Variants in PPP2R2C observed in about 807,000 individuals in gnomAD.
PPP2R2C encodes protein phosphatase 2 regulatory subunit Bgamma.
In PPP2R2C, 10 loss-of-function variants were observed where a neutral mutation model predicts 45.3. That is an observed-to-expected ratio of 0.22 (90% CI 0.14 to 0.37). The LOEUF (loss-of-function observed/expected upper bound fraction) is 0.37. Ranked by LOEUF, PPP2R2C falls within the 10% of genes least tolerant of loss-of-function variation. The probability of loss-of-function intolerance (pLI) is 1.00; values close to 1 mark genes in which losing one functional copy is unlikely to be tolerated. For synonymous variants in PPP2R2C, 257 were observed against 245.4 expected, an observed-to-expected ratio of 1.05 and a Z score of -0.44; for missense variants, 308 against 619.7, an observed-to-expected ratio of 0.50 and a Z score of 5.34.
Position 6,383,088 on chromosome 4 carries a change from C to T in PPP2R2C, c.71-1994G>A, listed in dbSNP as rs181215728. On this transcript the variant is annotated intron_variant, in intron 1 of 8. Coordinates refer to ENST00000382599, the MANE Select transcript of PPP2R2C (RefSeq NM_020416.4). ...CTGTGTTTTGCTTTGGCCTGCAGAA[C>T]GGCAATTCGACAAGCCGCAAACAGA... 754 of 1,093,726 alleles carry T rather than the reference C, an allele frequency of 6.9e-4. 5 individuals are homozygous for T. In the South Asian group the frequency reaches 7.2e-3, roughly 10 times the overall value. 67.8% of individuals were successfully genotyped at this position (1,093,726 alleles called of 1,614,324 possible).
chr4:6,525,067 C>G (rs978150170), intron 2 of PPP2R2C, among the ~76,000 whole-genome samples: 7 of 152,018 alleles, frequency 4.6e-5, no homozygotes, highest in Admixed American at 4.6e-4. Flanking sequence ...ACCTGGGTGA[C>G]AGGGTGAGAC....
intron 1 of PPP2R2C, among the ~76,000 whole-genome samples, chr4:6,392,807 CA>C (rs1440646276): frequency 6.6e-6 from 1 of 152,210 alleles, no homozygotes; most frequent in East Asian, 1.9e-4. Flanking sequence ...CGAGCACTTT[CA>C]GGGGTGGGCG....
intron 1 of PPP2R2C, among the ~76,000 whole-genome samples, chr4:6,406,002 A>ATAG (rs1459003641): frequency 2.6e-5 from 4 of 152,202 alleles, no homozygotes; most frequent in Non-Finnish European, 5.9e-5. Flanking sequence ...TAACAGAGGT[A>ATAG]TAGGATCAGG....
chr4:6,384,797 T>C (rs1402887824), intron 1 of PPP2R2C: 1 of 985,346 alleles, frequency 1.0e-6, no homozygotes, highest in African/African-American at 1.7e-5. Context: ...GTGATTTCCA[T>C]TTGGCAGCAG....
chr4:6,544,350 T>G (rs908323217), intron 1 of PPP2R2C, among the ~76,000 whole-genome samples: 6 of 152,226 alleles, frequency 3.9e-5, no homozygotes, highest in African/African-American at 1.4e-4. Context: ...TCATTATTAT[T>G]TTTATTTTTA....
intron 1 of PPP2R2C, among the ~76,000 whole-genome samples, chr4:6,434,904 C>A (rs1719821195): frequency 6.6e-6 from 1 of 151,852 alleles, no homozygotes; most frequent in African/African-American, 2.4e-5. Context: ...TCATCACATC[C>A]TTTATCCATT....
At chr4:6,411,315 G>C (rs1399460261) in intron 1 of PPP2R2C, among the ~76,000 whole-genome samples, 4 of 152,134 alleles carry the variant, frequency 2.6e-5, no homozygotes, top group Non-Finnish European at 1.5e-5. Context: ...AGCCCCACTA[G>C]GAGGACCCTG....
rs1725505308 is a variant in PPP2R2C, at chr4:6,559,399, A to ACACACACACG, written c.-59+4160_-59+4161insCGTGTGTGTG. Among the ~76,000 whole-genome samples the ACACACACACG allele has an allele frequency of 8.4e-5, 5 of 59,538 alleles. No individual in the cohort carries two copies. In the Admixed American group the frequency reaches 9.0e-4, roughly 11 times the overall value. 39.1% of individuals were successfully genotyped at this position (59,538 alleles called of 152,430 possible). A position where few individuals can be genotyped will look rare whatever the true frequency, so the allele number is the denominator to read the frequency against. On this transcript the variant is annotated intron_variant, in intron 1 of 9. Coordinates refer to the PPP2R2C transcript ENST00000506140. Reference sequence around the variant, plus strand: ...GCAGTTCTGAAAAAATACACAGCACACACACACACACACACACACACACAC... The same window carrying ACACACACACG: ...GCAGTTCTGAAAAAATACACAGCACACACACACACGCACACACACACACACACACACACAC...
rs193095764 is a variant in PPP2R2C, at chr4:6,352,229, C to T, written c.626-4219G>A. On this transcript the variant is annotated intron_variant, in intron 5 of 8. Coordinates refer to ENST00000382599, the MANE Select transcript of PPP2R2C (RefSeq NM_020416.4). ...CGGCTGGGCGTCTGGTCTTGGCTGT[C>T]ACTCGGGGCCCCCGGCTGGGCGTCT... 9.8e-3 allele frequency among the ~76,000 whole-genome samples: 1,491 copies of T among 151,810 alleles called. 22 individuals carry two copies. Among genetic ancestry groups the T allele is most frequent in the African/African-American group, 0.034 (1,395 of 41,394 alleles).
chr4:6,466,200 G>A (rs988705108), intron 1 of PPP2R2C, among the ~76,000 whole-genome samples: 4 of 152,238 alleles, frequency 2.6e-5, no homozygotes, highest in Non-Finnish European at 5.9e-5. Flanking sequence ...AGGGTAGCGT[G>A]CTGTGGGAGC....
rs1169633840 is a variant in PPP2R2C, at chr4:6,329,844, G to A, written c.961-491C>T. Reference sequence around the variant, plus strand: ...CTGCCCTCCCAGCTGTGTGATCTTGGACAAGTGATTTCATCTCTCTGAGCC... The same window carrying A: ...CTGCCCTCCCAGCTGTGTGATCTTGAACAAGTGATTTCATCTCTCTGAGCC... On this transcript the variant is annotated intron_variant, in intron 7 of 8. Transcript: ENST00000382599. This position sits in a 1 kb window ranked among gnomAD's most constrained non-coding sequence, Gnocchi z 5.8. Among the ~76,000 whole-genome samples the A allele has an allele frequency of 6.6e-6, 1 of 152,172 alleles. No individual in the cohort carries two copies. The highest frequency in any genetic ancestry group is 1.9e-4 in the East Asian group (1 of 5,194).
intron 1 of PPP2R2C, among the ~76,000 whole-genome samples, chr4:6,449,290 G>A (rs946763586): frequency 1.3e-5 from 2 of 152,198 alleles, no homozygotes; most frequent in African/African-American, 2.4e-5. Context: ...TGAATCAACC[G>A]TGTTCTGTCC....
intron 1 of PPP2R2C, chr4:6,381,455 A>C (rs1297930020): frequency 7.3e-7 from 1 of 1,362,616 alleles, no homozygotes; most frequent in South Asian, 1.5e-5. Context: ...TCCCACACCT[A>C]CCCCTGCCAC....
chr4:6,332,392 G>A lies in PPP2R2C; in HGVS notation c.960+1170C>T, dbSNP rs911242617. Among the ~76,000 whole-genome samples, 1 of 152,110 alleles carries A rather than the reference G, an allele frequency of 6.6e-6. No homozygotes were observed. Among genetic ancestry groups the A allele is most frequent in the Non-Finnish European group, 1.5e-5 (1 of 68,016 alleles). Reference sequence around the variant, plus strand: ...GCCTGAGGGAGGAGCTGGGGCAGTCGCAAGAACTCAAGTAAACACACGTGG... The same window carrying A: ...GCCTGAGGGAGGAGCTGGGGCAGTCACAAGAACTCAAGTAAACACACGTGG... On this transcript the variant is annotated intron_variant, in intron 7 of 8. Coordinates refer to ENST00000382599, the MANE Select transcript of PPP2R2C (RefSeq NM_020416.4). The surrounding 1 kb of genome is among the most constrained non-coding windows in gnomAD (Gnocchi z 4.9).
At chr4:6,508,532 T>C (rs770913641) in intron 2 of PPP2R2C, among the ~76,000 whole-genome samples, 1 of 151,888 alleles carries the variant, frequency 6.6e-6, no homozygotes, top group Non-Finnish European at 1.5e-5. Flanking sequence ...GAGCTTGCAG[T>C]GAGCCAAGAT....
chr4:6,399,368 C>T (rs556269780), intron 1 of PPP2R2C, among the ~76,000 whole-genome samples: 19 of 152,290 alleles, frequency 1.2e-4, no homozygotes, highest in Admixed American at 1.0e-3. Flanking sequence ...TAATTTAATC[C>T]CCTCAACGTA....
chr4:6,543,355 T>A (rs971803270), intron 1 of PPP2R2C, among the ~76,000 whole-genome samples: 8 of 152,112 alleles, frequency 5.3e-5, no homozygotes, highest in Non-Finnish European at 1.2e-4. Flanking sequence ...GCTCAGCCTC[T>A]GCCTCCTATG....
rs917408887 is a variant in PPP2R2C at position 6,354,500 on chromosome 4, C to T, written c.626-6490G>A. ...CTGATTCACCTCCGTGCCCCCACAC[C>T]CCTCACACACGACCTGCCCAGAGCT... On this transcript the variant is annotated intron_variant, in intron 5 of 8. Transcript: ENST00000382599. Among the ~76,000 whole-genome samples the T allele has an allele frequency of 2.6e-5, 4 of 152,194 alleles. No homozygotes were observed. In the East Asian group the frequency reaches 7.7e-4, roughly 29 times the overall value.
chr4:6,548,574 A>G (rs914254209), intron 1 of PPP2R2C, among the ~76,000 whole-genome samples: 1 of 152,210 alleles, frequency 6.6e-6, no homozygotes, highest in Non-Finnish European at 1.5e-5. Flanking sequence ...GTTAAAGGTA[A>G]AAGGTAGAAG....
Sources: allele counts gnomAD v4.1 joint callset (sites outside exome capture counted in the v4.1 genomes callset), GRCh38; gene constraint gnomAD v4.1.1; non-coding constraint Gnocchi (gnomAD v3.1); transcripts MANE v1.5; gene names NCBI Gene and HGNC (gene_info 2026-07-23, HGNC 2026-07-21).